Variants in TSNARE1 observed in about 807,000 individuals in gnomAD.
TSNARE1 encodes the protein t-SNARE domain-containing protein 1.
Under a neutral mutation model 62.0 loss-of-function variants are expected in TSNARE1, and 49 were observed. The ratio of observed to expected loss-of-function variants is 0.79; its 90% CI spans 0.63 to 1.00. The LOEUF (loss-of-function observed/expected upper bound fraction) is 1.00. Among genes scored for constraint, TSNARE1 ranks in the 50% least tolerant of loss-of-function variants. The probability of loss-of-function intolerance (pLI) is 0.00; values close to 1 mark genes in which losing one functional copy is unlikely to be tolerated. For missense variants in TSNARE1, 755 were observed against 700.1 expected, an observed-to-expected ratio of 1.08 and a Z score of -0.88; for synonymous variants, 328 against 294.4, an observed-to-expected ratio of 1.11 and a Z score of -1.17.
intron 2 of TSNARE1, among the ~76,000 whole-genome samples, chr8:142,348,033 C>T (rs1263858867): frequency 1.3e-5 from 2 of 152,226 alleles, no homozygotes; most frequent in Admixed American, 1.3e-4. Context: ...ATGGCAGGGA[C>T]AGGCCTGGGA....
Position 142,331,845 on chromosome 8 carries a change from G to C in TSNARE1, c.746-14C>G, listed in dbSNP as rs773205153. The stretch of plus-strand genomic sequence containing the variant: ...CGACCTGGGTGGCTGGGAGAAGACA[G>C]GGAGGAGGAAAGAACACAGGCTAAG... On this transcript the variant is annotated splice_polypyrimidine_tract_variant and intron_variant, in intron 4 of 13. Coordinates refer to ENST00000524325, the MANE Select transcript of TSNARE1 (RefSeq NM_145003.5). 1 of 1,603,150 alleles carries C rather than the reference G, an allele frequency of 6.2e-7. No individual in the cohort carries two copies. The highest frequency in any genetic ancestry group is 1.7e-5 in the Admixed American group (1 of 58,658).
intron 11 of TSNARE1, chr8:142,277,972 G>A (rs1308357973): frequency 2.0e-6 from 2 of 985,292 alleles, no homozygotes; most frequent in Admixed American, 6.1e-5. Flanking sequence ...GTCTGCCTCT[G>A]CCCATAGGAC....
rs577560740 is a variant in TSNARE1 at position 142,371,409 on chromosome 8, C to A, written c.-39-16646G>T. Among the ~76,000 whole-genome samples, 101 of 152,126 alleles carry A rather than the reference C, an allele frequency of 6.6e-4. 3 individuals are homozygous for A. Among genetic ancestry groups the A allele is most frequent in the Admixed American group, 6.5e-3 (100 of 15,270 alleles). On this transcript the variant is annotated intron_variant, in intron 1 of 13. Coordinates refer to ENST00000524325, the MANE Select transcript of TSNARE1 (RefSeq NM_145003.5). Reference sequence around the variant, plus strand: ...AGGGGGCAGGAGAAAACATCCTGGGCGGTGAAAATGTCCGGTGTCTTGACG... The same window carrying A: ...AGGGGGCAGGAGAAAACATCCTGGGAGGTGAAAATGTCCGGTGTCTTGACG...
chr8:142,315,034 T>C lies in TSNARE1; in HGVS notation c.1043A>G (p.Asp348Gly), dbSNP rs779153228. 10 of 1,614,156 alleles carry C rather than the reference T, an allele frequency of 6.2e-6. No individual in the cohort carries two copies. The highest frequency in any genetic ancestry group is 8.5e-6 in the Non-Finnish European group (10 of 1,180,024). ...QLDRLKTQLS[D>G]AIQCYGVVQK... ...CACCACTCCATAGCACTGAATGGCA[T>C]CTGAGAGCTGGGTTTTCAGCCGGTC... The change falls in exon 8 of 14, where the codon GAT (aspartate) becomes GGT (glycine). Residue 348 changes from aspartate (D) to glycine (G), a missense_variant. Physicochemically the swap from Asp to Gly is moderately conservative, Grantham distance 94 (BLOSUM62 -1). Coordinates refer to ENST00000524325, the MANE Select transcript of TSNARE1 (RefSeq NM_145003.5).
chr8:142,233,023 G>A (rs1459124020), intron 12 of TSNARE1, among the ~76,000 whole-genome samples: 1 of 152,182 alleles, frequency 6.6e-6, no homozygotes, highest in African/African-American at 2.4e-5. Context: ...CACCCAGACA[G>A]CCACCCTGCA....
chr8:142,269,584 C>T, intron 12 of TSNARE1: 1 of 984,822 alleles, frequency 1.0e-6, no homozygotes, highest in Non-Finnish European at 1.2e-6. Context: ...CTGCCTCAGC[C>T]TCCCAAAGTG....
chr8:142,255,461 T>C (rs796641615), intron 12 of TSNARE1, among the ~76,000 whole-genome samples: 17 of 56,410 alleles, frequency 3.0e-4, no homozygotes, highest in East Asian at 1.2e-3. Flanking sequence ...ACCATCACCA[T>C]CACCATCACC....
At chr8:142,247,649 C>T (rs1028835215) in intron 12 of TSNARE1, 7 of 152,268 alleles carry the variant, frequency 4.6e-5, no homozygotes, top group Non-Finnish European at 5.9e-5. Flanking sequence ...TGCAATCCCA[C>T]TACTGATCAG....
intron 12 of TSNARE1, among the ~76,000 whole-genome samples, chr8:142,264,100 A>T (rs1404803384): frequency 6.6e-6 from 1 of 152,156 alleles, no homozygotes; most frequent in Non-Finnish European, 1.5e-5. Flanking sequence ...ACAAATTTTG[A>T]TATGCAGTAT....
chr8:142,287,678 C>A (rs1421918494), intron 10 of TSNARE1, among the ~76,000 whole-genome samples: 3 of 133,972 alleles, frequency 2.2e-5, no homozygotes, highest in Non-Finnish European at 4.7e-5. Context: ...GAACCCAGGA[C>A]CCCGGCCAGA....
chr8:142,382,163 G>A (rs573641725), intron 1 of TSNARE1, among the ~76,000 whole-genome samples: 17 of 152,110 alleles, frequency 1.1e-4, no homozygotes, highest in Admixed American at 2.6e-4. Flanking sequence ...TCATGTGTGC[G>A]ACAGAGAGCC....
intron 2 of TSNARE1, among the ~76,000 whole-genome samples, chr8:142,353,183 C>A (rs1046018510): frequency 2.0e-5 from 3 of 152,226 alleles, no homozygotes; most frequent in African/African-American, 7.2e-5. Context: ...TCAGTTCATG[C>A]AGTCCACCCC....
chr8:142,220,315 T>C (rs1816152477), intron 13 of TSNARE1, among the ~76,000 whole-genome samples: 1 of 152,084 alleles, frequency 6.6e-6, no homozygotes, highest in African/African-American at 2.4e-5. Flanking sequence ...TGAGGAGGCC[T>C]CTGCTGCACA....
At chr8:142,301,589 G>A (rs547751945) in intron 9 of TSNARE1, among the ~76,000 whole-genome samples, 1 of 152,366 alleles carries the variant, frequency 6.6e-6, no homozygotes, top group African/African-American at 2.4e-5. Context: ...TTCACCTTAG[G>A]AAGGTGTGTG....
intron 12 of TSNARE1, among the ~76,000 whole-genome samples, chr8:142,230,718 AC>A (rs1234285376): frequency 6.6e-6 from 1 of 152,050 alleles, no homozygotes; most frequent in Non-Finnish European, 1.5e-5. Flanking sequence ...CCCCTCGGTT[AC>A]CCCTCTGGGT....
At chr8:142,382,813 C>T (rs1184986772) in intron 1 of TSNARE1, among the ~76,000 whole-genome samples, 3 of 152,264 alleles carry the variant, frequency 2.0e-5, no homozygotes, top group Non-Finnish European at 2.9e-5. Flanking sequence ...CAGGTCTGTG[C>T]GGAAGGCACT....
chr8:142,397,024 T>G (rs1837940836), intron 1 of TSNARE1, among the ~76,000 whole-genome samples: 2 of 145,448 alleles, frequency 1.4e-5, no homozygotes, highest in Non-Finnish European at 1.5e-5. Context: ...TCCCTGACCT[T>G]CCACAGCCCC....
intron 9 of TSNARE1, among the ~76,000 whole-genome samples, chr8:142,306,193 A>G (rs1317047210): frequency 2.0e-5 from 3 of 152,174 alleles, no homozygotes; most frequent in Non-Finnish European, 4.4e-5. Context: ...CGGCTGTGGC[A>G]ATGCTTCCCC....
intron 1 of TSNARE1, among the ~76,000 whole-genome samples, chr8:142,357,907 C>T (rs1028551818): frequency 7.2e-5 from 11 of 152,142 alleles, no homozygotes; most frequent in Admixed American, 2.6e-4. Context: ...ACGGCGGAGG[C>T]TCCATGAGAG....
Sources: allele counts gnomAD v4.1 joint callset (sites outside exome capture counted in the v4.1 genomes callset), GRCh38; gene constraint gnomAD v4.1.1; transcripts MANE v1.5; gene names NCBI Gene and HGNC (gene_info 2026-07-23, HGNC 2026-07-21).